The following TNFAIP8 variants were observed in gnomAD, a reference collection of about 807,000 sequenced individuals.
The protein encoded by TNFAIP8 is tumor necrosis factor alpha-induced protein 8.
Under a neutral mutation model 13.3 loss-of-function variants are expected in TNFAIP8, and 7 were observed. The ratio of observed to expected loss-of-function variants is 0.52; its 90% CI spans 0.30 to 0.99. TNFAIP8 has a LOEUF of 0.99. TNFAIP8 is among the 50% of genes least tolerant of loss of function. The pLI, the probability that TNFAIP8 is intolerant of heterozygous loss-of-function variation, is 0.07. For missense variants in TNFAIP8, 258 were observed against 236.9 expected (o/e 1.09, Z -0.58); for synonymous variants, 94 against 87.6 (o/e 1.07, Z -0.41).
intron 1 of TNFAIP8, among the ~76,000 whole-genome samples, chr5:119,340,709 GACAT>G (rs1234977448): frequency 6.6e-6 from 1 of 152,172 alleles, no homozygotes; most frequent in Non-Finnish European, 1.5e-5. Context: ...TCCATATCCG[GACAT>G]ATGAACAGAC....
intron 1 of TNFAIP8, among the ~76,000 whole-genome samples, chr5:119,361,223 G>T (rs535918069): frequency 4.5e-4 from 65 of 145,380 alleles, no homozygotes; most frequent in Non-Finnish European, 8.6e-4. Context: ...TTGCGGGGCT[G>T]CAGCGCACTG....
chr5:119,328,823 C>T (rs1471358883), intron 1 of TNFAIP8, among the ~76,000 whole-genome samples: 1 of 152,082 alleles, frequency 6.6e-6, no homozygotes, highest in Non-Finnish European at 1.5e-5. Context: ...TATTTTATTA[C>T]GAGGGATCAT....
rs1753049952 is a variant in TNFAIP8 at position 119,395,412 on chromosome 5, T to C, written c.*2031T>C. On this transcript the variant is annotated 3_prime_UTR_variant, in exon 2 of 2. Coordinates refer to ENST00000504771, the MANE Select transcript of TNFAIP8 (RefSeq NM_014350.4). ...GGAAACGAAAGCCCTGGGCAGTCCA[T>C]GGATGCTTCTTGCTCATCTGTAGCT... is the stretch of plus-strand genomic sequence containing the variant. The C allele has an allele frequency of 6.6e-6, 1 of 152,238 alleles. No homozygotes were observed. The highest frequency in any genetic ancestry group is 2.4e-5 in the African/African-American group (1 of 41,426). The allele number at this position is 152,238 out of a possible 1,614,324, so 9.4% of individuals were successfully genotyped here.
At chr5:119,295,791 C>A (rs566698972) in intron 1 of TNFAIP8, among the ~76,000 whole-genome samples, 4 of 152,158 alleles carry the variant, frequency 2.6e-5, no homozygotes, top group African/African-American at 9.6e-5. Flanking sequence ...TTGTTTGTAT[C>A]CTCTTTTATT....
chr5:119,361,246 C>T (rs556230846), intron 1 of TNFAIP8, among the ~76,000 whole-genome samples: 13 of 152,316 alleles, frequency 8.5e-5, no homozygotes, highest in African/African-American at 3.1e-4. Context: ...CCCCCAGCCG[C>T]TGACCAAGAT....
chr5:119,288,692 T>G (rs951721499), intron 1 of TNFAIP8, among the ~76,000 whole-genome samples: 2 of 152,210 alleles, frequency 1.3e-5, no homozygotes, highest in Non-Finnish European at 2.9e-5. Flanking sequence ...GAAATAATTT[T>G]ACATAGAAGG....
chr5:119,342,729 T>C (rs1417124918), intron 1 of TNFAIP8, among the ~76,000 whole-genome samples: 2 of 152,192 alleles, frequency 1.3e-5, no homozygotes, highest in African/African-American at 4.8e-5. Context: ...TAGCCATTGG[T>C]CTTCAGCCTT....
intron 1 of TNFAIP8, among the ~76,000 whole-genome samples, chr5:119,375,005 T>C (rs917474312): frequency 2.0e-5 from 3 of 152,176 alleles, no homozygotes; most frequent in African/African-American, 7.2e-5. Flanking sequence ...ACCACTGAAT[T>C]GTAGATTTTT....
intron 1 of TNFAIP8, among the ~76,000 whole-genome samples, chr5:119,270,050 T>G (rs1231472963): frequency 6.6e-6 from 1 of 152,254 alleles, no homozygotes; most frequent in East Asian, 1.9e-4. Flanking sequence ...AATCCATTTA[T>G]GAAATGTTCA....
chr5:119,333,003 A>G (rs1046035357), intron 1 of TNFAIP8, among the ~76,000 whole-genome samples: 6 of 151,870 alleles, frequency 4.0e-5, no homozygotes, highest in Non-Finnish European at 8.8e-5. Flanking sequence ...AGCAATACGT[A>G]TTATTAATAG....
At chr5:119,347,693 A>G (rs1750956529) in intron 1 of TNFAIP8, among the ~76,000 whole-genome samples, 1 of 152,158 alleles carries the variant, frequency 6.6e-6, no homozygotes, top group Admixed American at 6.5e-5. Flanking sequence ...TTTCACTGCT[A>G]CCTGCAAAAA....
At chr5:119,299,210 G>T (rs1230086698) in intron 1 of TNFAIP8, among the ~76,000 whole-genome samples, 1 of 152,128 alleles carries the variant, frequency 6.6e-6, no homozygotes, top group Non-Finnish European at 1.5e-5. Flanking sequence ...CAGTTTTTCT[G>T]CTCTGTTTTT....
chr5:119,269,630 A>G (rs1481704142), intron 1 of TNFAIP8, among the ~76,000 whole-genome samples: 1 of 152,190 alleles, frequency 6.6e-6, no homozygotes, highest in Non-Finnish European at 1.5e-5. Context: ...GTGACACTGT[A>G]TTTCTAAACC....
chr5:119,354,063 A>T (rs148128901), upstream of TNFAIP8, among the ~76,000 whole-genome samples: 1,471 of 152,306 alleles, frequency 9.7e-3, 16 homozygotes, highest in Non-Finnish European at 0.014. Flanking sequence ...CTTGGGCAGG[A>T]CAGGAAAAGC....
At chr5:119,382,975 G>A (rs1752543740) in intron 1 of TNFAIP8, among the ~76,000 whole-genome samples, 1 of 152,200 alleles carries the variant, frequency 6.6e-6, no homozygotes, top group Non-Finnish European at 1.5e-5. Flanking sequence ...ACTTGGGTAA[G>A]CAAAGTTAAA....
At chr5:119,339,688 T>C (rs1047093831) in intron 1 of TNFAIP8, among the ~76,000 whole-genome samples, 1 of 152,054 alleles carries the variant, frequency 6.6e-6, no homozygotes, top group Non-Finnish European at 1.5e-5. Context: ...GTTTGGTAAG[T>C]TGAACAATGA....
chr5:119,306,099 A>G (rs1303446955), intron 1 of TNFAIP8, among the ~76,000 whole-genome samples: 3 of 152,184 alleles, frequency 2.0e-5, no homozygotes, highest in Non-Finnish European at 4.4e-5. Context: ...AGGACTTCCT[A>G]TGAATTCCTC....
At chr5:119,348,910 ATAGAC>A (rs1751014527) in intron 1 of TNFAIP8, among the ~76,000 whole-genome samples, 1 of 149,812 alleles carries the variant, frequency 6.7e-6, no homozygotes, top group Admixed American at 6.7e-5. Flanking sequence ...AAAAAAAAGA[ATAGAC>A]AACATCTAAG....
At position 119,399,113 on chromosome 5, in the gene TNFAIP8, CT is replaced by C. The variant is rs1285246948; in HGVS notation, c.*5734del. 6.6e-6 allele frequency: 1 copy of C among 152,188 alleles called. No individual in the cohort carries two copies. Among genetic ancestry groups the C allele is most frequent in the African/African-American group, 2.4e-5 (1 of 41,458 alleles). 9.4% of individuals were successfully genotyped at this position (152,188 alleles called of 1,614,324 possible). ...CATGACCGAGGAGTCACATTTTTAG[CT>C]TGCTAAAATATTCACTGGAGAACAT... is the stretch of plus-strand genomic sequence containing the variant. On this transcript the variant is annotated 3_prime_UTR_variant, in exon 2 of 2. Coordinates refer to ENST00000504771, the MANE Select transcript of TNFAIP8 (RefSeq NM_014350.4).
Sources: gnomAD v4.1 joint callset for allele counts (sites outside exome capture counted in the v4.1 genomes callset) on GRCh38, gnomAD v4.1.1 for gene constraint, MANE v1.5 for transcripts, NCBI Gene and HGNC (gene_info 2026-07-23, HGNC 2026-07-21) for gene names.